The following ST7 variants were observed in gnomAD, a reference collection of about 807,000 sequenced individuals.
ST7 encodes the protein suppressor of tumorigenicity 7 protein.
ST7 carries 28 observed loss-of-function variants against 78.7 expected under a neutral mutation model. The ratio of observed to expected loss-of-function variants is 0.36; its 90% CI spans 0.26 to 0.49. ST7 has a LOEUF of 0.49. Ranked by LOEUF, ST7 falls within the 20% of genes least tolerant of loss-of-function variation. ST7 has a pLI of 0.99. For missense variants in ST7, 418 were observed against 696.0 expected (o/e 0.60, Z 4.49); for synonymous variants, 247 against 249.6 (o/e 0.99, Z 0.10).
chr7:117,078,669 G>A (rs527474041), intron 1 of ST7, among the ~76,000 whole-genome samples: 3 of 152,272 alleles, frequency 2.0e-5, no homozygotes, highest in African/African-American at 7.2e-5. Context: ...CTATTATAAA[G>A]CTTGAAAAAG....
chr7:117,175,042 T>C (rs763280740), intron 10 of ST7, among the ~76,000 whole-genome samples: 9 of 152,244 alleles, frequency 5.9e-5, no homozygotes, highest in Non-Finnish European at 1.2e-4. Flanking sequence ...AAGATTCCTT[T>C]CTAATCATTC....
intron 8 of ST7, chr7:117,137,282 A>G (rs1334205254): frequency 2.0e-5 from 3 of 152,124 alleles, no homozygotes; most frequent in African/African-American, 7.2e-5. Flanking sequence ...TACCACATCA[A>G]TTCCTAAGTT....
chr7:117,113,949 G>GA (rs1394883579), intron 2 of ST7, among the ~76,000 whole-genome samples: 3 of 152,278 alleles, frequency 2.0e-5, no homozygotes, highest in South Asian at 4.2e-4. Context: ...TGCTGCGGTG[G>GA]AAAATCTCAT....
intron 8 of ST7, 77 bp from the exon 9 acceptor site, chr7:117,138,358 T>G: frequency 1.1e-6 from 1 of 919,674 alleles, no homozygotes; most frequent in Non-Finnish European, 1.6e-6. Context: ...TATGAAAATT[T>G]CCTTTAGGGG....
chr7:117,182,221 G>A (rs1808825801), intron 10 of ST7, among the ~76,000 whole-genome samples: 1 of 152,012 alleles, frequency 6.6e-6, no homozygotes, highest in African/African-American at 2.4e-5. Flanking sequence ...TATAAAACAG[G>A]GCTAACAGTC....
chr7:117,097,666 C>G (rs901464789), intron 1 of ST7, among the ~76,000 whole-genome samples: 2 of 150,956 alleles, frequency 1.3e-5, no homozygotes, highest in African/African-American at 4.9e-5. Flanking sequence ...TGGGGTCACT[C>G]ATAGTGTGGA....
intron 1 of ST7, among the ~76,000 whole-genome samples, chr7:117,011,746 G>A (rs750207229): frequency 1.4e-4 from 22 of 152,328 alleles, no homozygotes; most frequent in African/African-American, 5.1e-4. Context: ...CAGGTGACCC[G>A]AGAAGAACTT....
chr7:117,198,505 A>G (rs572337037), intron 12 of ST7: 9 of 304,824 alleles, frequency 3.0e-5, no homozygotes, highest in East Asian at 9.5e-5. Flanking sequence ...GGCTGCAGCT[A>G]TTGTCTTCAG....
chr7:117,079,687 G>T (rs1799610200), intron 1 of ST7, among the ~76,000 whole-genome samples: 2 of 151,896 alleles, frequency 1.3e-5, no homozygotes, highest in Non-Finnish European at 2.9e-5. Flanking sequence ...AGCTATATAT[G>T]CTTTTATTTG....
intron 3 of ST7, among the ~76,000 whole-genome samples, chr7:117,126,353 A>G (rs1197337256): frequency 1.3e-5 from 2 of 151,662 alleles, no homozygotes; most frequent in Non-Finnish European, 2.9e-5. Flanking sequence ...GTGACTATAG[A>G]GCCTTTTTTT....
chr7:117,103,083 C>T (rs1226899616), intron 2 of ST7, among the ~76,000 whole-genome samples: 2 of 151,928 alleles, frequency 1.3e-5, no homozygotes, highest in African/African-American at 2.4e-5. Context: ...TTGAAGAGAA[C>T]ACACAAAAAA....
intron 1 of ST7, among the ~76,000 whole-genome samples, chr7:117,059,530 CATATATATGG>C (rs1389864864): frequency 6.6e-6 from 1 of 151,904 alleles, no homozygotes; most frequent in Non-Finnish European, 1.5e-5. Context: ...GAATTTCTGG[CATATATATGG>C]ATATATATGA....
chr7:116,967,546 TACTG>T (rs998448243), intron 1 of ST7: 1 of 368,156 alleles, frequency 2.7e-6, no homozygotes, highest in Non-Finnish European at 5.6e-6. Flanking sequence ...ATTCTTGAAT[TACTG>T]ACCTGCGATA....
intron 1 of ST7, among the ~76,000 whole-genome samples, chr7:117,061,635 G>GGCCCTGTAAAGGCACTAATTC (rs1282314581): frequency 1.3e-5 from 2 of 152,028 alleles, no homozygotes; most frequent in East Asian, 3.8e-4. Flanking sequence ...CACAAGGGAA[G>GGCCCTGTAAAGGCACTAATTC]AATATAAATT....
chr7:116,969,942 G>C (rs1230365102), intron 1 of ST7, among the ~76,000 whole-genome samples: 1 of 152,150 alleles, frequency 6.6e-6, no homozygotes, highest in Non-Finnish European at 1.5e-5. Context: ...GGGCGTGGTG[G>C]TGCATGCCTG....
chr7:117,099,941 C>G, intron 2 of ST7, 97 bp downstream of exon 2: 3 of 884,920 alleles, frequency 3.4e-6, no homozygotes, highest in Non-Finnish European at 5.1e-6. Flanking sequence ...TATACACTAA[C>G]AGGTTACAGT....
intron 1 of ST7, among the ~76,000 whole-genome samples, chr7:117,088,564 A>G (rs1487123242): frequency 3.9e-5 from 6 of 152,190 alleles, no homozygotes; most frequent in East Asian, 1.9e-4. Flanking sequence ...GAACCCTTTT[A>G]TTAGGTTCCA....
At chr7:117,089,579 T>G (rs1024880971) in intron 1 of ST7, among the ~76,000 whole-genome samples, 4 of 151,054 alleles carry the variant, frequency 2.6e-5, no homozygotes, top group African/African-American at 9.7e-5. Flanking sequence ...TTTTTGTTTT[T>G]TTTTTTTTTT....
chr7:117,218,948 AT>A, intron 13 of ST7, 135 bp from the exon 14 acceptor site: 2 of 642,938 alleles, frequency 3.1e-6, no homozygotes, highest in Non-Finnish European at 5.5e-6. Flanking sequence ...CATCTGGCAC[AT>A]AGCTTGGTGG....
Sources: allele counts gnomAD v4.1 joint callset (sites outside exome capture counted in the v4.1 genomes callset), GRCh38; gene constraint gnomAD v4.1.1; transcripts MANE v1.5; gene names NCBI Gene and HGNC (gene_info 2026-07-23, HGNC 2026-07-21).